The following AMPH variants were observed in gnomAD, a reference collection of about 807,000 sequenced individuals.
AMPH encodes amphiphysin.
Under a neutral mutation model 99.1 loss-of-function variants are expected in AMPH, and 49 were observed. The observed-to-expected ratio is 0.49, with a 90% CI of 0.39 to 0.63. The LOEUF is 0.63. Ranked by LOEUF, AMPH falls within the 20% of genes least tolerant of loss-of-function variation. AMPH has a pLI of 0.00. For missense variants in AMPH, 759 were observed against 863.4 expected (o/e 0.88, Z 1.52); for synonymous variants, 314 against 317.3 (o/e 0.99, Z 0.11).
At position 38,417,818 on chromosome 7, in the gene AMPH, T is replaced by C; in HGVS notation, c.1398+7A>G. On this transcript the variant is annotated splice_region_variant and intron_variant, in intron 17 of 20. Transcript: ENST00000356264. ...CAGATGGAGGGTGAGAGGGAGGTGG[T>C]GCTCACCACTGCCTCCTCCACTGGC... is the stretch of plus-strand genomic sequence containing the variant. The C allele has an allele frequency of 6.2e-7, 1 of 1,613,526 alleles. No individual in the cohort carries two copies. Among genetic ancestry groups the C allele is most frequent in the African/African-American group, 1.3e-5 (1 of 75,016 alleles).
rs560451157 is a variant in AMPH, at chr7:38,555,543, C to T, written c.70-20532G>A. On this transcript the variant is annotated intron_variant, in intron 1 of 20. Transcript: ENST00000356264. ...CTCTGGAGGAATTTAACTTCAGCCC[C>T]ATCTTCAAAGAATTCCCATGTGTTA... Among the ~76,000 whole-genome samples, 9 of 152,316 alleles carry T rather than the reference C, an allele frequency of 5.9e-5. No homozygotes were observed. In the East Asian group the frequency reaches 1.7e-3, roughly 29 times the overall value.
chr7:38,582,934 T>G (rs1792518482), intron 1 of AMPH, among the ~76,000 whole-genome samples: 1 of 152,230 alleles, frequency 6.6e-6, no homozygotes, highest in Non-Finnish European at 1.5e-5. Flanking sequence ...TAGATTCAAA[T>G]TCTCTTTAGC....
At chr7:38,446,431 G>A (rs1786784353) in intron 11 of AMPH, among the ~76,000 whole-genome samples, 1 of 152,056 alleles carries the variant, frequency 6.6e-6, no homozygotes, top group African/African-American at 2.4e-5. Flanking sequence ...CAGATAACTT[G>A]TGATATATCC....
At chr7:38,478,662 A>G (rs1788174270) in intron 5 of AMPH, among the ~76,000 whole-genome samples, 1 of 152,226 alleles carries the variant, frequency 6.6e-6, no homozygotes, top group African/African-American at 2.4e-5. Context: ...AGTAACAAAC[A>G]GGAATTTTAA....
intron 2 of AMPH, among the ~76,000 whole-genome samples, chr7:38,528,203 C>CT (rs1264355219): frequency 1.1e-4 from 17 of 152,000 alleles, no homozygotes; most frequent in Non-Finnish European, 1.0e-4. Flanking sequence ...CTGCAGTTTT[C>CT]TTTTTTTCAT....
At chr7:38,419,417 T>C (rs1032161774) in intron 16 of AMPH, among the ~76,000 whole-genome samples, 1 of 152,198 alleles carries the variant, frequency 6.6e-6, no homozygotes. Context: ...TTCAAGGGAC[T>C]GGTAGACAAG....
chr7:38,385,381 A>G (rs149309326), intron 20 of AMPH, among the ~76,000 whole-genome samples: 2 of 152,276 alleles, frequency 1.3e-5, no homozygotes, highest in African/African-American at 4.8e-5. Flanking sequence ...AGAATGGAAT[A>G]CTGATGAGGC....
intron 1 of AMPH, among the ~76,000 whole-genome samples, chr7:38,573,801 T>C (rs1792133884): frequency 5.3e-5 from 8 of 152,194 alleles, no homozygotes. Context: ...ACCAAACAAT[T>C]GTATGGAACC....
intron 2 of AMPH, among the ~76,000 whole-genome samples, chr7:38,530,201 C>A (rs1256892921): frequency 6.6e-6 from 1 of 152,164 alleles, no homozygotes; most frequent in Non-Finnish European, 1.5e-5. Context: ...ATAGAAGCAG[C>A]AAAACAGGAT....
chr7:38,598,087 T>C (rs1253621550), intron 1 of AMPH, among the ~76,000 whole-genome samples: 1 of 152,262 alleles, frequency 6.6e-6, no homozygotes, highest in Non-Finnish European at 1.5e-5. Context: ...GAATGATTCT[T>C]ACATACCTTT....
At chr7:38,471,783 A>C (rs1787896909) in intron 7 of AMPH, among the ~76,000 whole-genome samples, 1 of 152,210 alleles carries the variant, frequency 6.6e-6, no homozygotes, top group South Asian at 2.1e-4. Flanking sequence ...GAAAGTTTAA[A>C]AATGGAAAAA....
At chr7:38,607,739 C>G (rs115178440) in intron 1 of AMPH, among the ~76,000 whole-genome samples, 1 of 152,182 alleles carries the variant, frequency 6.6e-6, no homozygotes, top group Admixed American at 6.5e-5. Context: ...GACAAGGAAC[C>G]CTGCACAATG....
At chr7:38,608,591 C>T (rs538839167) in intron 1 of AMPH, among the ~76,000 whole-genome samples, 3 of 152,144 alleles carry the variant, frequency 2.0e-5, no homozygotes, top group Non-Finnish European at 4.4e-5. Context: ...CAGTTTTTGC[C>T]TTTGCTGTGT....
chr7:38,479,052 A>G (rs2129015624), intron 5 of AMPH, among the ~76,000 whole-genome samples: 1 of 152,268 alleles, frequency 6.6e-6, no homozygotes, highest in Non-Finnish European at 1.5e-5. Flanking sequence ...GCAATATTTC[A>G]AGAGATAATG....
At chr7:38,408,500 G>A (rs1785118512) in intron 17 of AMPH, among the ~76,000 whole-genome samples, 1 of 152,018 alleles carries the variant, frequency 6.6e-6, no homozygotes, top group East Asian at 1.9e-4. Flanking sequence ...AGTGGCTCAC[G>A]CTTGTAATCC....
At chr7:38,574,474 A>G (rs960709779) in intron 1 of AMPH, among the ~76,000 whole-genome samples, 1 of 152,248 alleles carries the variant, frequency 6.6e-6, no homozygotes, top group African/African-American at 2.4e-5. Context: ...CTCCCTCATT[A>G]GGATTTCCTC....
chr7:38,629,011 G>A (rs1343993654), intron 1 of AMPH, among the ~76,000 whole-genome samples: 2 of 152,180 alleles, frequency 1.3e-5, no homozygotes, highest in African/African-American at 2.4e-5. Flanking sequence ...AAATTTGGTT[G>A]TAAAAACAAG....
chr7:38,472,334 A>G (rs1787916274), intron 7 of AMPH, among the ~76,000 whole-genome samples: 1 of 152,144 alleles, frequency 6.6e-6, no homozygotes, highest in African/African-American at 2.4e-5. Context: ...TTATGACTAA[A>G]TGCAATCTCA....
intron 11 of AMPH, among the ~76,000 whole-genome samples, chr7:38,455,363 G>A (rs1409443533): frequency 1.3e-5 from 2 of 152,126 alleles, no homozygotes; most frequent in African/African-American, 2.4e-5. Context: ...GAGCCACTGC[G>A]CCCAGCCTAC....
Sources: allele counts gnomAD v4.1 joint callset (sites outside exome capture counted in the v4.1 genomes callset), GRCh38; gene constraint gnomAD v4.1.1; transcripts MANE v1.5; gene names NCBI Gene and HGNC (gene_info 2026-07-23, HGNC 2026-07-21).